The following TRA2B variants were observed in gnomAD, a reference collection of about 807,000 sequenced individuals.
TRA2B encodes transformer 2 beta homolog.
A neutral mutation model predicts 41.7 loss-of-function variants in TRA2B; 14 were observed. The observed-to-expected ratio is 0.34, with a 90% confidence interval of 0.22 to 0.53. The LOEUF is 0.53. TRA2B is among the 20% of genes least tolerant of loss of function. The probability of loss-of-function intolerance (pLI) is 0.95; values close to 1 mark genes in which losing one functional copy is unlikely to be tolerated. For synonymous variants in TRA2B, 130 were observed against 128.8 expected, an observed-to-expected ratio of 1.01 and a Z score of -0.06; for missense variants, 167 against 396.8, an observed-to-expected ratio of 0.42 and a Z score of 4.92.
chr3:185,916,958 A>G lies in TRA2B; in HGVS notation c.*757T>C, dbSNP rs1434910410. 6.6e-6 allele frequency: 1 copy of G among 152,662 alleles called. No homozygotes were observed. Among genetic ancestry groups the G allele is most frequent in the Non-Finnish European group, 1.5e-5 (1 of 68,036 alleles). The allele number at this position is 152,662 out of a possible 1,614,324, so 9.5% of individuals were successfully genotyped here. A position where few individuals can be genotyped will look rare whatever the true frequency, so the allele number is the denominator to read the frequency against. On this transcript the variant is annotated 3_prime_UTR_variant, in exon 9 of 9. Coordinates refer to ENST00000453386, the MANE Select transcript of TRA2B (RefSeq NM_004593.3). ...CTAAAAGCTAGAAGAACAAGAGTGTATTTGTGGTGGAATGTATTGTCACTT... is the reference window on the plus strand; with the variant it reads ...CTAAAAGCTAGAAGAACAAGAGTGTGTTTGTGGTGGAATGTATTGTCACTT...
intron 1 of TRA2B, among the ~76,000 whole-genome samples, chr3:185,929,610 TACAAC>T (rs376704945): frequency 1.4e-3 from 218 of 152,218 alleles, no homozygotes; most frequent in African/African-American, 5.0e-3. Flanking sequence ...CAAGTAAAAA[TACAAC>T]ACACTTAGCC....
intron 1 of TRA2B, chr3:185,936,145 C>CA: frequency 1.0e-6 from 1 of 985,392 alleles, no homozygotes; most frequent in African/African-American, 1.7e-5. Context: ...GAGCTCTAGT[C>CA]AGAAGCCAGT....
At chr3:185,926,820 G>T in intron 1 of TRA2B, 86 bp from the exon 2 acceptor site, 1 of 1,503,136 alleles carries the variant, frequency 6.7e-7, no homozygotes, top group Non-Finnish European at 9.0e-7. Flanking sequence ...AATGGTGAGG[G>T]ACAGCAATCC....
rs754607262 is a variant in TRA2B, at chr3:185,921,122, T to C, written c.704A>G (p.Tyr235Cys). 3 of 1,614,114 alleles carry C rather than the reference T, an allele frequency of 1.9e-6. No homozygotes were observed. The highest frequency in any genetic ancestry group is 2.5e-6 in the Non-Finnish European group (3 of 1,179,994). The change falls in exon 6 of 9, where the codon TAC becomes TGC. Residue 235 changes from tyrosine (Y) to cysteine (C), a missense_variant. Around this residue, in one of 5 missense-constraint regions of TRA2B, gnomAD observed 23 missense variants for 39.7 expected, o/e 0.58. Transcript: ENST00000453386. ...GYDRGYDDRD[Y>C]YSRSYRGGGG... ...AACTTACCTGTATGATCTGCTATAG[T>C]AGTCCCGATCATCATAGCCCCGATC... is the stretch of plus-strand genomic sequence containing the variant.
intron 1 of TRA2B, among the ~76,000 whole-genome samples, chr3:185,929,364 G>T (rs1744066517): frequency 6.6e-6 from 1 of 152,064 alleles, no homozygotes; most frequent in African/African-American, 2.4e-5. Flanking sequence ...ACCAGTTGGG[G>T]AAGTCCCTAA....
intron 1 of TRA2B, 51 bp from the exon 2 acceptor site, chr3:185,926,785 A>G (rs2150115648): frequency 1.2e-6 from 2 of 1,601,932 alleles, no homozygotes; most frequent in Non-Finnish European, 1.7e-6. Context: ...GGCAACTTTA[A>G]AAACAAATAA....
At position 185,930,045 on chromosome 3, in the gene TRA2B, A is replaced by G. The variant is rs149930540; in HGVS notation, c.37-3311T>C. On this transcript the variant is annotated intron_variant, in intron 1 of 8. Transcript: ENST00000453386. ...GAGGAGGAGACACATTAGGACCCAC[A>G]GATGCTTTGGTCAAGGGGGAAAACA... Among the ~76,000 whole-genome samples, 1,033 of 152,264 alleles carry G rather than the reference A, an allele frequency of 6.8e-3. 7 individuals carry two copies. Among genetic ancestry groups the G allele is most frequent in the Non-Finnish European group, 9.3e-3 (631 of 68,018 alleles).
At chr3:185,920,034 A>G (rs1743656625) in intron 6 of TRA2B, among the ~76,000 whole-genome samples, 1 of 152,212 alleles carries the variant, frequency 6.6e-6, no homozygotes, top group African/African-American at 2.4e-5. Context: ...TCACAATTTT[A>G]CTTCATTTTT....
In TRA2B at chr3:185,916,514, C is replaced by T. The variant is rs190071546; in HGVS notation, c.*1201G>A. 4.6e-5 allele frequency: 7 copies of T among 152,226 alleles called. No individual in the cohort carries two copies. The East Asian group carries it at 5.8e-4, about 13-fold the overall frequency. 9.4% of individuals were successfully genotyped at this position (152,226 alleles called of 1,614,324 possible). A position where few individuals can be genotyped will look rare whatever the true frequency, so the allele number is the denominator to read the frequency against. ...TAATAAGAACATGTATTAAAGTACC[C>T]GCAGTCTAGTTATTTACTGTAACTC... On this transcript the variant is annotated 3_prime_UTR_variant, in exon 9 of 9. Coordinates refer to ENST00000453386, the MANE Select transcript of TRA2B (RefSeq NM_004593.3).
intron 6 of TRA2B, among the ~76,000 whole-genome samples, chr3:185,920,821 G>A (rs1057211114): frequency 1.3e-5 from 2 of 151,988 alleles, no homozygotes; most frequent in Non-Finnish European, 2.9e-5. Context: ...GAGCTACTGC[G>A]CCTGGCCTCA....
intron 2 of TRA2B, 46 bp downstream of exon 2, chr3:185,926,555 T>C: frequency 6.2e-7 from 1 of 1,608,250 alleles, no homozygotes; most frequent in Non-Finnish European, 8.5e-7. Context: ...ACGCACCAAT[T>C]TCAGAGCTAA....
chr3:185,930,192 T>C (rs1198789155), intron 1 of TRA2B, among the ~76,000 whole-genome samples: 2 of 152,184 alleles, frequency 1.3e-5, no homozygotes, highest in African/African-American at 4.8e-5. Context: ...TAAGAGGTCT[T>C]TTCCTCTTTT....
chr3:185,921,768 CAAAACA>C (rs1047916562), intron 5 of TRA2B, among the ~76,000 whole-genome samples: 1 of 151,882 alleles, frequency 6.6e-6, no homozygotes, highest in Non-Finnish European at 1.5e-5. Context: ...CGTCTCAAAA[CAAAACA>C]AAAACAAAAC....
At chr3:185,937,428 T>G in intron 1 of TRA2B, 1 of 1,021,922 alleles carries the variant, frequency 9.8e-7, no homozygotes. Context: ...TCTCCGCCAT[T>G]TTGTGCCTCT....
At chr3:185,934,027 A>G (rs1744253222) in intron 1 of TRA2B, among the ~76,000 whole-genome samples, 1 of 152,164 alleles carries the variant, frequency 6.6e-6, no homozygotes, top group Admixed American at 6.5e-5. Flanking sequence ...GGGAATTTCA[A>G]GACTGTAATT....
chr3:185,929,512 T>G (rs1173808641), intron 1 of TRA2B, among the ~76,000 whole-genome samples: 1 of 152,030 alleles, frequency 6.6e-6, no homozygotes, highest in Non-Finnish European at 1.5e-5. Flanking sequence ...AAACCAAAAT[T>G]TCCCTGAAAA....
chr3:185,926,393 C>T (rs541431665), intron 2 of TRA2B, among the ~76,000 whole-genome samples: 1 of 152,248 alleles, frequency 6.6e-6, no homozygotes. Context: ...TTAATCTGCC[C>T]AAACCAGCAA....
intron 8 of TRA2B, among the ~76,000 whole-genome samples, chr3:185,918,147 T>C (rs1355815106): frequency 6.6e-6 from 1 of 152,224 alleles, no homozygotes; most frequent in African/African-American, 2.4e-5. Context: ...GAGCCTACTC[T>C]GGCTCAGGAG....
chr3:185,917,537 C>T lies in TRA2B; in HGVS notation c.*178G>A, dbSNP rs941813408. The T allele has an allele frequency of 3.5e-6, 2 of 573,054 alleles. No homozygotes were observed. Among genetic ancestry groups the T allele is most frequent in the African/African-American group, 1.9e-5 (1 of 51,636 alleles). The allele number at this position is 573,054 out of a possible 1,614,324, so 35.5% of individuals were successfully genotyped here. A position where few individuals can be genotyped will look rare whatever the true frequency, so the allele number is the denominator to read the frequency against. ...ACTTAACTTGGAACAAAGCACCAAA[C>T]TACACAAATGCAGAATGAAAACAGC... On this transcript the variant is annotated 3_prime_UTR_variant, in exon 9 of 9. Transcript: ENST00000453386.
Sources: allele counts gnomAD v4.1 joint callset (sites outside exome capture counted in the v4.1 genomes callset), GRCh38; gene constraint gnomAD v4.1.1; regional missense constraint gnomAD v4.1.1; transcripts MANE v1.5; gene names NCBI Gene and HGNC (gene_info 2026-07-23, HGNC 2026-07-21).